Variants in TAFA4 observed in about 807,000 individuals in gnomAD.
The protein encoded by TAFA4 is chemokine-like protein TAFA-4.
TAFA4 carries 20 observed loss-of-function variants against 21.1 expected under a neutral mutation model. The observed-to-expected ratio is 0.95, with a 90% CI of 0.67 to 1.38. The LOEUF is 1.38. TAFA4 is among the 40% of genes most tolerant of loss of function. The pLI is 0.00. For synonymous variants in TAFA4, 71 were observed against 67.4 expected, an observed-to-expected ratio of 1.05 and a Z score of -0.26; for missense variants, 211 against 180.9, an observed-to-expected ratio of 1.17 and a Z score of -0.95.
chr3:68,780,119 T>C (rs1274854937), intron 3 of TAFA4, among the ~76,000 whole-genome samples: 1 of 152,202 alleles, frequency 6.6e-6, no homozygotes, highest in Non-Finnish European at 1.5e-5. Context: ...ATGTAGCCAC[T>C]TTGTTTTGGC....
At chr3:68,883,877 G>C (rs1159802359) in intron 2 of TAFA4, among the ~76,000 whole-genome samples, 1 of 151,988 alleles carries the variant, frequency 6.6e-6, no homozygotes, top group Non-Finnish European at 1.5e-5. Flanking sequence ...AGGCAGGAGC[G>C]AGCTATGATT....
At chr3:68,744,112 GACTA>G (rs772672990) in intron 4 of TAFA4, among the ~76,000 whole-genome samples, 5 of 152,326 alleles carry the variant, frequency 3.3e-5, no homozygotes, top group Non-Finnish European at 7.3e-5. Flanking sequence ...CTCTTCCTCA[GACTA>G]ACTTTCTTCC....
intron 3 of TAFA4, among the ~76,000 whole-genome samples, chr3:68,754,599 A>G (rs1404674687): frequency 6.6e-6 from 1 of 152,174 alleles, no homozygotes; most frequent in Non-Finnish European, 1.5e-5. Context: ...AATGGTTAGG[A>G]TGGTATCTGT....
At chr3:68,747,549 C>T (rs527767007) in intron 4 of TAFA4, among the ~76,000 whole-genome samples, 12 of 152,254 alleles carry the variant, frequency 7.9e-5, no homozygotes, top group Admixed American at 2.0e-4. Context: ...TCCCCAGCCA[C>T]GTGGAACTGT....
At chr3:68,756,962 G>A (rs1346429292) in intron 3 of TAFA4, among the ~76,000 whole-genome samples, 1 of 152,132 alleles carries the variant, frequency 6.6e-6, no homozygotes, top group Non-Finnish European at 1.5e-5. Context: ...ATGCAAATCA[G>A]CAACTTTCAG....
At chr3:68,766,430 G>A (rs1256460220) in intron 3 of TAFA4, among the ~76,000 whole-genome samples, 2 of 151,972 alleles carry the variant, frequency 1.3e-5, no homozygotes, top group Non-Finnish European at 2.9e-5. Flanking sequence ...TAACCTTTCT[G>A]CTATGATACT....
At chr3:68,834,217 T>C (rs1275600872) in intron 3 of TAFA4, among the ~76,000 whole-genome samples, 1 of 152,196 alleles carries the variant, frequency 6.6e-6, no homozygotes, top group African/African-American at 2.4e-5. Flanking sequence ...ATCTGTTCTG[T>C]TCCATGTAGT....
At chr3:68,736,397 T>TAA (rs1370627402) in intron 5 of TAFA4, among the ~76,000 whole-genome samples, 2 of 152,150 alleles carry the variant, frequency 1.3e-5, no homozygotes, top group Non-Finnish European at 2.9e-5. Context: ...CTGGAAAAGA[T>TAA]AACTAGTTAG....
At chr3:68,780,180 T>C (rs1703128826) in intron 3 of TAFA4, among the ~76,000 whole-genome samples, 1 of 152,202 alleles carries the variant, frequency 6.6e-6, no homozygotes, top group Non-Finnish European at 1.5e-5. Flanking sequence ...TGTACCCCCA[T>C]TGTATATAGG....
intron 2 of TAFA4, among the ~76,000 whole-genome samples, chr3:68,884,072 G>T (rs531449218): frequency 1.3e-5 from 2 of 152,164 alleles, no homozygotes; most frequent in African/African-American, 4.8e-5. Flanking sequence ...CTTCAGTAAT[G>T]AAAGTGATAT....
chr3:68,891,791 C>A (rs190064492), intron 1 of TAFA4, among the ~76,000 whole-genome samples: 465 of 152,248 alleles, frequency 3.1e-3, no homozygotes, highest in Non-Finnish European at 4.4e-3. Flanking sequence ...CAATAGAAAT[C>A]TCGAAGCAGA....
At position 68,885,324 on chromosome 3, in the gene TAFA4, G is replaced by T; in HGVS notation, c.-122-14C>A. 2 of 626,808 alleles carry T rather than the reference G, an allele frequency of 3.2e-6. No homozygotes were observed. Among genetic ancestry groups the T allele is most frequent in the Non-Finnish European group, 2.6e-6 (1 of 379,634 alleles). 38.8% of individuals were successfully genotyped at this position (626,808 alleles called of 1,614,324 possible). On this transcript the variant is annotated splice_polypyrimidine_tract_variant and intron_variant, in intron 1 of 5. Coordinates refer to ENST00000295569, the MANE Select transcript of TAFA4 (RefSeq NM_182522.5). ...AGCTCAGAAGACCTATGTTAAAAAG[G>T]CCAAAAAAAAAAAAGGAATCAATTA...
At position 68,914,188 on chromosome 3, in the gene TAFA4, TGAA is replaced by T. The variant is rs1465870822; in HGVS notation, c.-123+18049_-123+18051del. Among the ~76,000 whole-genome samples, 13 of 152,158 alleles carry T rather than the reference TGAA, an allele frequency of 8.5e-5. No individual in the cohort carries two copies. In the East Asian group the frequency reaches 1.7e-3, roughly 20 times the overall value. The stretch of plus-strand genomic sequence containing the variant: ...CTTACAACGAAATACTATGCAACAA[TGAA>T]GAAGAACTACTGTTACAGGTAACAG... On this transcript the variant is annotated intron_variant, in intron 1 of 5. Coordinates refer to ENST00000295569, the MANE Select transcript of TAFA4 (RefSeq NM_182522.5).
At chr3:68,820,282 A>C (rs2106861088) in intron 3 of TAFA4, among the ~76,000 whole-genome samples, 1 of 152,306 alleles carries the variant, frequency 6.6e-6, no homozygotes, top group East Asian at 1.9e-4. Flanking sequence ...AGAGGCTGAG[A>C]GATAAGATAT....
intron 1 of TAFA4, among the ~76,000 whole-genome samples, chr3:68,913,920 T>C (rs1287555927): frequency 6.6e-6 from 1 of 152,178 alleles, no homozygotes; most frequent in Non-Finnish European, 1.5e-5. Flanking sequence ...TCTAAAGGAT[T>C]TTAAATAGTG....
chr3:68,786,333 G>A (rs1405712563), intron 3 of TAFA4, among the ~76,000 whole-genome samples: 1 of 152,184 alleles, frequency 6.6e-6, no homozygotes, highest in Admixed American at 6.5e-5. Flanking sequence ...AGGTGAGGTG[G>A]CATGTGCTTA....
chr3:68,869,116 GAATA>G (rs147936653), intron 3 of TAFA4, among the ~76,000 whole-genome samples: 3,212 of 151,912 alleles, frequency 0.021, 110 homozygotes, highest in African/African-American at 0.073. Context: ...TAAAAGAAAT[GAATA>G]AATTCCTGGA....
At chr3:68,898,109 A>G (rs1457226138) in intron 1 of TAFA4, among the ~76,000 whole-genome samples, 1 of 152,186 alleles carries the variant, frequency 6.6e-6, no homozygotes, top group African/African-American at 2.4e-5. Flanking sequence ...GGACAAGGTG[A>G]AAAAGGGGTG....
Position 68,732,083 on chromosome 3 carries a change from C to G in TAFA4, c.*1059G>C, listed in dbSNP as rs535445390. 4.6e-5 allele frequency: 7 copies of G among 152,500 alleles called. No homozygotes were observed. In the Admixed American group the frequency reaches 4.6e-4, roughly 10 times the overall value. The allele number at this position is 152,500 out of a possible 1,614,324, so 9.4% of individuals were successfully genotyped here. A position where few individuals can be genotyped will look rare whatever the true frequency, so the allele number is the denominator to read the frequency against. On this transcript the variant is annotated 3_prime_UTR_variant, in exon 6 of 6. Coordinates refer to ENST00000295569, the MANE Select transcript of TAFA4 (RefSeq NM_182522.5). ...TCAGTCATTCTTCATCTGTTTCATACGTTTCCGCATGACAGCATTTGAGAA... is the reference window on the plus strand; with the variant it reads ...TCAGTCATTCTTCATCTGTTTCATAGGTTTCCGCATGACAGCATTTGAGAA...
Sources: gnomAD v4.1 joint callset for allele counts (sites outside exome capture counted in the v4.1 genomes callset) on GRCh38, gnomAD v4.1.1 for gene constraint, MANE v1.5 for transcripts, NCBI Gene and HGNC (gene_info 2026-07-23, HGNC 2026-07-21) for gene names.